TRMT1L: variants seen among roughly 807,000 people sequenced by gnomAD.
The protein encoded by TRMT1L is tRNA (guanine(27)-N(2))-dimethyltransferase.
TRMT1L carries 28 observed loss-of-function variants against 81.6 expected under a neutral mutation model. The ratio of observed to expected loss-of-function variants is 0.34; its 90% CI spans 0.25 to 0.47. The LOEUF (loss-of-function observed/expected upper bound fraction) is 0.47. TRMT1L is among the 20% of genes least tolerant of loss of function. The pLI is 1.00. For synonymous variants in TRMT1L, 301 were observed against 303.2 expected (o/e 0.99, Z 0.07); for missense variants, 739 against 877.1 (o/e 0.84, Z 1.99).
In TRMT1L at chr1:185,123,889, T is replaced by C. The variant is rs541908863; in HGVS notation, c.1790A>G (p.Asp597Gly). Residue 597 changes from aspartate (D) to glycine (G), a missense_variant, in exon 13 of 15, where the codon GAT becomes GGT. By Grantham distance (94) the Asp-to-Gly change is moderately conservative (BLOSUM62 -1). Around this residue, in one of 4 missense-constraint regions of TRMT1L, gnomAD observed 196 missense variants for 232.6 expected, o/e 0.84. Transcript: ENST00000367506. ...AATGTAATTATCTGTTGTGGTGTCA[T>C]CTGTAGTTTTAATAAATACACCATT... ...EENGVFIKTT[D>G]DTTTDNYIAQ... 2.0e-6 allele frequency: 3 copies of C among 1,513,948 alleles called. No homozygotes were observed. In the African/African-American group the frequency reaches 4.2e-5, roughly 21 times the overall value. 93.8% of individuals were successfully genotyped at this position (1,513,948 alleles called of 1,614,324 possible).
chr1:185,139,038 A>C (rs1652970963), intron 9 of TRMT1L, among the ~76,000 whole-genome samples: 2 of 151,976 alleles, frequency 1.3e-5, no homozygotes, highest in South Asian at 4.1e-4. Flanking sequence ...GAAAAAACAA[A>C]ACAAAACAGT....
chr1:185,142,414 G>A (rs1342412487), intron 7 of TRMT1L, among the ~76,000 whole-genome samples: 1 of 152,154 alleles, frequency 6.6e-6, no homozygotes, highest in East Asian at 1.9e-4. Context: ...CCCCAAAAGT[G>A]TACTCTTATA....
At chr1:185,146,966 T>A (rs1426511477) in intron 4 of TRMT1L, among the ~76,000 whole-genome samples, 2 of 152,068 alleles carry the variant, frequency 1.3e-5, no homozygotes, top group East Asian at 1.9e-4. Context: ...TTTATCTGAC[T>A]TAAACTAAAA....
Position 185,144,012 on chromosome 1 carries a change from G to C in TRMT1L, c.673C>G (p.Pro225Ala). Residue 225 changes from proline to alanine, a missense_variant, in exon 6 of 15, where the codon CCT becomes GCT. This residue lies in a region of TRMT1L where 331 missense variants were observed against 462.2 expected (regional missense o/e 0.72). Transcript: ENST00000367506. Reference protein sequence around the residue: ...SYIAASTAKPPKEILKEADTD... With the variant: ...SYIAASTAKPAKEILKEADTD... ...TCTGCCTCTTTCAAAATTTCCTTAG[G>C]TGGTTTAGCAGTGGAAGCTAAGATG... is the stretch of plus-strand genomic sequence containing the variant. The C allele has an allele frequency of 6.2e-7, 1 of 1,605,572 alleles. No homozygotes were observed. The highest frequency in any genetic ancestry group is 8.5e-7 in the Non-Finnish European group (1 of 1,175,196).
intron 10 of TRMT1L, among the ~76,000 whole-genome samples, chr1:185,131,743 T>A (rs960740334): frequency 5.3e-5 from 8 of 152,194 alleles, no homozygotes; most frequent in African/African-American, 1.7e-4. Context: ...ATAGATATTT[T>A]AAAAAATTAA....
intron 4 of TRMT1L, among the ~76,000 whole-genome samples, chr1:185,146,918 T>G (rs1479577125): frequency 1.3e-5 from 2 of 152,046 alleles, no homozygotes; most frequent in Non-Finnish European, 2.9e-5. Context: ...TCAAAATTAG[T>G]AAATGAGTTA....
intron 10 of TRMT1L, among the ~76,000 whole-genome samples, chr1:185,133,182 G>A (rs917893870): frequency 4.6e-5 from 7 of 152,154 alleles, no homozygotes; most frequent in South Asian, 2.1e-4. Flanking sequence ...CAGAGTTACC[G>A]AAGAGTTGCA....
chr1:185,127,152 A>C (rs762722125), intron 11 of TRMT1L, among the ~76,000 whole-genome samples: 3 of 152,340 alleles, frequency 2.0e-5, no homozygotes, highest in East Asian at 1.9e-4. Flanking sequence ...GTTAGGCTAG[A>C]AATCTTCCTT....
At chr1:185,132,633 A>C (rs1483475808) in intron 10 of TRMT1L, among the ~76,000 whole-genome samples, 1 of 152,024 alleles carries the variant, frequency 6.6e-6, no homozygotes, top group African/African-American at 2.4e-5. Flanking sequence ...TTATCTCAAA[A>C]TTATTTTAGA....
chr1:185,153,427 A>G lies in TRMT1L; in HGVS notation c.236-1492T>C, dbSNP rs115724731. Among the ~76,000 whole-genome samples, 489 of 152,288 alleles carry G rather than the reference A, an allele frequency of 3.2e-3. 2 individuals carry two copies. Among genetic ancestry groups the G allele is most frequent in the African/African-American group, 0.011 (464 of 41,560 alleles). ...GAAAGAATAAATGGTAAGGGGAATC[A>G]AGGTAATGCAGAAGCCAAGGGAGAA... On this transcript the variant is annotated intron_variant, in intron 1 of 14. Coordinates refer to ENST00000367506, the MANE Select transcript of TRMT1L (RefSeq NM_030934.5).
intron 10 of TRMT1L, among the ~76,000 whole-genome samples, chr1:185,130,490 A>G (rs2102235589): frequency 6.6e-6 from 1 of 152,348 alleles, no homozygotes; most frequent in Non-Finnish European, 1.5e-5. Context: ...CTAAAGCATA[A>G]GCCTGAAATG....
At chr1:185,149,533 G>A (rs1395413236) in intron 3 of TRMT1L, among the ~76,000 whole-genome samples, 1 of 151,608 alleles carries the variant, frequency 6.6e-6, no homozygotes, top group East Asian at 1.9e-4. Flanking sequence ...TGAACTCATG[G>A]CCTCAAGTGA....
chr1:185,148,793 T>A (rs1385553244), intron 3 of TRMT1L, among the ~76,000 whole-genome samples: 1 of 152,190 alleles, frequency 6.6e-6, no homozygotes, highest in Non-Finnish European at 1.5e-5. Context: ...AAAGACAAGA[T>A]GGTCCTTAAA....
At chr1:185,143,336 C>CA in intron 7 of TRMT1L, 21 bp downstream of exon 7, 1 of 1,574,556 alleles carries the variant, frequency 6.4e-7, no homozygotes, top group Non-Finnish European at 8.6e-7. Context: ...AATGGGGTTC[C>CA]AAAAAAGTGT....
Position 185,139,358 on chromosome 1 carries a change from A to G in TRMT1L, c.1322+9T>C. The G allele has an allele frequency of 1.9e-6, 3 of 1,610,756 alleles. No homozygotes were observed. Among genetic ancestry groups the G allele is most frequent in the South Asian group, 1.1e-5 (1 of 90,650 alleles). On this transcript the variant is annotated intron_variant, in intron 9 of 14. Transcript: ENST00000367506. Reference sequence around the variant, plus strand: ...AAACACACTAAGTACACTGTTGGCAATTTGGTACCTTGCCACTGCAGCTAC... The same window carrying G: ...AAACACACTAAGTACACTGTTGGCAGTTTGGTACCTTGCCACTGCAGCTAC...
intron 10 of TRMT1L, among the ~76,000 whole-genome samples, chr1:185,131,294 T>TA (rs370816715): frequency 6.6e-6 from 1 of 152,304 alleles, no homozygotes; most frequent in East Asian, 1.9e-4. Flanking sequence ...CGTTGGTTTA[T>TA]AAGCTCTGCC....
At chr1:185,128,424 T>C (rs1463662632) in intron 11 of TRMT1L, among the ~76,000 whole-genome samples, 2 of 152,228 alleles carry the variant, frequency 1.3e-5, no homozygotes, top group Admixed American at 6.5e-5. Flanking sequence ...AGTTTCCAGA[T>C]CATCCAGGCT....
intron 10 of TRMT1L, among the ~76,000 whole-genome samples, chr1:185,136,967 G>A (rs903292162): frequency 2.6e-5 from 4 of 151,486 alleles, no homozygotes; most frequent in Admixed American, 2.6e-4. Context: ...CATTCAATTA[G>A]CAACAAAAAA....
chr1:185,151,829 A>G lies in TRMT1L; in HGVS notation c.342T>C (p.Asp114=). 1 of 1,566,214 alleles carries G rather than the reference A, an allele frequency of 6.4e-7. No homozygotes were observed. Among genetic ancestry groups the G allele is most frequent in the Non-Finnish European group, 8.6e-7 (1 of 1,162,340 alleles). Residue 114 remains aspartate, a synonymous_variant, in exon 2 of 15, where the codon GAT becomes GAC. Transcript: ENST00000367506. ...AAAACCCAAACATGGAAATACCTGC[A>G]TCAAGATTATCTGAGTTCAATGAGC... ...SASSLNSDNL[D]AGNRQACPLC...
Sources: gnomAD v4.1 joint callset for allele counts (sites outside exome capture counted in the v4.1 genomes callset) on GRCh38, gnomAD v4.1.1 for gene constraint, gnomAD v4.1.1 regional missense constraint, MANE v1.5 for transcripts, NCBI Gene and HGNC (gene_info 2026-07-23, HGNC 2026-07-21) for gene names.